TMEM135: variants seen among roughly 807,000 people sequenced by gnomAD.
TMEM135 encodes the protein transmembrane protein 135, also known as peroxisomal membrane protein 52.
Under a neutral mutation model 60.3 loss-of-function variants are expected in TMEM135, and 30 were observed. The observed-to-expected ratio is 0.50, with a 90% confidence interval of 0.37 to 0.68. The LOEUF (loss-of-function observed/expected upper bound fraction) is 0.68. Among genes scored for constraint, TMEM135 ranks in the 30% least tolerant of loss-of-function variants. The pLI is 0.00. For synonymous variants in TMEM135, 190 were observed against 186.7 expected, an observed-to-expected ratio of 1.02 and a Z score of -0.14; for missense variants, 468 against 548.8, an observed-to-expected ratio of 0.85 and a Z score of 1.47.
intron 14 of TMEM135, among the ~76,000 whole-genome samples, chr11:87,320,540 A>C (rs899104254): frequency 2.6e-5 from 4 of 152,202 alleles, no homozygotes; most frequent in Non-Finnish European, 5.9e-5. Context: ...TTTTCTCCAG[A>C]AAGGAAATGC....
chr11:87,117,157 T>TA lies in TMEM135; in HGVS notation c.396+25770dup, dbSNP rs945043445. Among the ~76,000 whole-genome samples, 10 of 152,082 alleles carry TA rather than the reference T, an allele frequency of 6.6e-5. No individual in the cohort carries two copies. In the East Asian group the frequency reaches 1.7e-3, roughly 26 times the overall value. ...TTTAAAACAAAGTACACACATTAATTAAAAAAAACTTATAGCTACAAGTTG... is the reference window on the plus strand; with the variant it reads ...TTTAAAACAAAGTACACACATTAATTAAAAAAAAACTTATAGCTACAAGTTG... On this transcript the variant is annotated intron_variant, in intron 4 of 14. Transcript: ENST00000305494.
chr11:87,072,950 AT>A (rs1449981195), intron 3 of TMEM135, among the ~76,000 whole-genome samples: 16 of 152,312 alleles, frequency 1.1e-4, no homozygotes, highest in African/African-American at 3.8e-4. Context: ...GAAGATGCTT[AT>A]TGTAGTCATT....
intron 5 of TMEM135, among the ~76,000 whole-genome samples, chr11:87,186,345 T>C (rs1440802100): frequency 6.6e-6 from 1 of 152,220 alleles, no homozygotes; most frequent in Non-Finnish European, 1.5e-5. Context: ...GTATAGCTCC[T>C]GGCCCCAGCT....
At chr11:87,121,810 T>G (rs1937602143) in intron 4 of TMEM135, among the ~76,000 whole-genome samples, 2 of 152,052 alleles carry the variant, frequency 1.3e-5, no homozygotes, top group Admixed American at 6.5e-5. Context: ...TGACTAATTT[T>G]TGTATTTTTA....
intron 12 of TMEM135, among the ~76,000 whole-genome samples, chr11:87,317,717 A>T (rs1421624389): frequency 6.6e-6 from 1 of 152,120 alleles, no homozygotes; most frequent in East Asian, 1.9e-4. Context: ...CCTGTCAGTG[A>T]CTTCTTTTGA....
rs576824164 is a variant in TMEM135, at chr11:87,166,688, T to C, written c.462+9282T>C. ...TATATCTGTTTTGGTACCAGTACCA[T>C]GCTGTTTTGATTACTGTGGCCTTGT... is the stretch of plus-strand genomic sequence containing the variant. On this transcript the variant is annotated intron_variant, in intron 5 of 14. Transcript: ENST00000305494. Among the ~76,000 whole-genome samples the C allele has an allele frequency of 3.3e-5, 5 of 151,868 alleles. No individual in the cohort carries two copies. The South Asian group carries it at 1.0e-3, about 32-fold the overall frequency.
chr11:87,102,818 C>G (rs1857494601), intron 4 of TMEM135, among the ~76,000 whole-genome samples: 1 of 151,244 alleles, frequency 6.6e-6, no homozygotes, highest in Non-Finnish European at 1.5e-5. Flanking sequence ...GAAATTTACT[C>G]TTAGCTATAA....
Position 87,192,148 on chromosome 11 carries a change from A to AT in TMEM135, c.462+34757dup, listed in dbSNP as rs761888889. Among the ~76,000 whole-genome samples the AT allele has an allele frequency of 5.5e-3, 747 of 136,628 alleles. 9 individuals carry two copies. The highest frequency in any genetic ancestry group is 0.031 in the Admixed American group (422 of 13,764). The allele number at this position is 136,628 out of a possible 152,430, so 89.6% of individuals were successfully genotyped here. On this transcript the variant is annotated intron_variant, in intron 5 of 14. Coordinates refer to ENST00000305494, the MANE Select transcript of TMEM135 (RefSeq NM_022918.4). ...AGGCATGTGCCACCGTGCCCAGCTA[A>AT]TTTTTTTTTTTTTTTGTATTTTAGT...
At chr11:87,124,968 A>T (rs1330079587) in intron 4 of TMEM135, among the ~76,000 whole-genome samples, 1 of 152,132 alleles carries the variant, frequency 6.6e-6, no homozygotes, top group East Asian at 1.9e-4. Context: ...TTTAGTTGCT[A>T]CTTCTCTTAC....
intron 6 of TMEM135, chr11:87,258,913 C>G: frequency 7.7e-7 from 1 of 1,290,670 alleles, no homozygotes; most frequent in Non-Finnish European, 1.1e-6. Context: ...TGTGTTAGGC[C>G]CTAGAAGTAT....
chr11:87,282,926 A>T (rs1018533905), intron 6 of TMEM135, among the ~76,000 whole-genome samples: 1 of 152,188 alleles, frequency 6.6e-6, no homozygotes, highest in Non-Finnish European at 1.5e-5. Flanking sequence ...AATTTCTATT[A>T]TTCATACCAC....
chr11:87,126,108 G>A (rs184171993), intron 4 of TMEM135, among the ~76,000 whole-genome samples: 58 of 148,626 alleles, frequency 3.9e-4, no homozygotes, highest in African/African-American at 1.4e-3. Flanking sequence ...CTGACCTCAA[G>A]TGGTCCACCC....
intron 6 of TMEM135, among the ~76,000 whole-genome samples, chr11:87,245,542 G>T (rs1941247858): frequency 6.9e-6 from 1 of 144,030 alleles, no homozygotes; most frequent in South Asian, 2.4e-4. Context: ...CTCCTGTATT[G>T]GGTGCATATG....
At chr11:87,297,759 G>A (rs1260831748) in intron 7 of TMEM135, among the ~76,000 whole-genome samples, 1 of 152,246 alleles carries the variant, frequency 6.6e-6, no homozygotes, top group East Asian at 1.9e-4. Context: ...TAATATTCTT[G>A]TTGCTAAAGC....
chr11:87,262,280 T>C (rs1364801618), intron 6 of TMEM135, among the ~76,000 whole-genome samples: 1 of 152,234 alleles, frequency 6.6e-6, no homozygotes, highest in Non-Finnish European at 1.5e-5. Context: ...GATTCGCTGG[T>C]TCAAATGTAC....
At chr11:87,237,821 C>G (rs999582938) in intron 6 of TMEM135, among the ~76,000 whole-genome samples, 2 of 151,834 alleles carry the variant, frequency 1.3e-5, no homozygotes, top group African/African-American at 4.8e-5. Flanking sequence ...CTCCCCACTA[C>G]TCTTACCACC....
At chr11:87,315,814 A>C (rs769461743) in intron 12 of TMEM135, among the ~76,000 whole-genome samples, 1 of 151,988 alleles carries the variant, frequency 6.6e-6, no homozygotes, top group Non-Finnish European at 1.5e-5. Flanking sequence ...TTATTTTTAA[A>C]GTATCATTAT....
intron 4 of TMEM135, among the ~76,000 whole-genome samples, chr11:87,144,674 C>A (rs1192593857): frequency 6.6e-6 from 1 of 150,590 alleles, no homozygotes; most frequent in Non-Finnish European, 1.5e-5. Flanking sequence ...CTCTATCTAA[C>A]CATAATGTTT....
intron 4 of TMEM135, among the ~76,000 whole-genome samples, chr11:87,128,543 G>T (rs527878918): frequency 3.3e-5 from 5 of 152,192 alleles, no homozygotes; most frequent in African/African-American, 1.2e-4. Flanking sequence ...GTAAATATTT[G>T]TTGAACAAAT....
Sources: gnomAD v4.1 joint callset for allele counts (sites outside exome capture counted in the v4.1 genomes callset) on GRCh38, gnomAD v4.1.1 for gene constraint, MANE v1.5 for transcripts, NCBI Gene and HGNC (gene_info 2026-07-23, HGNC 2026-07-21) for gene names.